ANO3: variants seen among roughly 807,000 people sequenced by gnomAD.
ANO3 encodes the protein anoctamin 3.
A neutral mutation model predicts 144.8 loss-of-function variants in ANO3; 99 were observed. The observed-to-expected ratio is 0.68, with a 90% CI of 0.58 to 0.81. The LOEUF (loss-of-function observed/expected upper bound fraction) is 0.81. Among genes scored for constraint, ANO3 ranks in the 30% least tolerant of loss-of-function variants. The pLI is 0.00. For missense variants in ANO3, 905 were observed against 1,202.2 expected, an observed-to-expected ratio of 0.75 and a Z score of 3.66; for synonymous variants, 414 against 392.6, an observed-to-expected ratio of 1.05 and a Z score of -0.64.
At chr11:26,350,547 T>A (rs1207836660) in intron 1 of ANO3, among the ~76,000 whole-genome samples, 1 of 152,184 alleles carries the variant, frequency 6.6e-6, no homozygotes, top group Non-Finnish European at 1.5e-5. Context: ...CTTTAATCTA[T>A]TTAATCTATT....
chr11:26,189,219 G>T, exon 1 of ANO3: 3 of 985,270 alleles, frequency 3.0e-6, no homozygotes, highest in Non-Finnish European at 3.6e-6. Context: ...TTCTCCTGAA[G>T]GCTTCAGACA....
chr11:26,505,891 G>A (rs1038766544), intron 4 of ANO3, among the ~76,000 whole-genome samples: 9 of 151,532 alleles, frequency 5.9e-5, no homozygotes, highest in African/African-American at 1.9e-4. Flanking sequence ...TGGAGGCTGA[G>A]TTGAGGCAGG....
intron 21 of ANO3, among the ~76,000 whole-genome samples, chr11:26,639,512 A>G (rs143473979): frequency 1.3e-3 from 192 of 152,334 alleles, no homozygotes; most frequent in African/African-American, 4.4e-3. Context: ...TAATGCATTA[A>G]GACACTTGTT....
At chr11:26,407,070 G>GTATATATATATATA (rs202060948) in intron 1 of ANO3, among the ~76,000 whole-genome samples, 285 of 101,286 alleles carry the variant, frequency 2.8e-3, no homozygotes, top group Non-Finnish European at 3.8e-3. Context: ...GTGTGTGTGT[G>GTATATATATATATA]TGTGTGTATA....
intron 1 of ANO3, among the ~76,000 whole-genome samples, chr11:26,231,064 A>T (rs1167207704): frequency 6.6e-6 from 1 of 151,758 alleles, no homozygotes; most frequent in Non-Finnish European, 1.5e-5. Context: ...TTTTTAGTAG[A>T]CACGGGGTTT....
intron 1 of ANO3, among the ~76,000 whole-genome samples, chr11:26,315,754 G>A (rs1854612818): frequency 6.6e-6 from 1 of 151,330 alleles, no homozygotes; most frequent in African/African-American, 2.4e-5. Flanking sequence ...TCTCACTTTA[G>A]AATATTGGAG....
intron 1 of ANO3, among the ~76,000 whole-genome samples, chr11:26,343,140 A>G (rs947150844): frequency 1.1e-4 from 16 of 152,200 alleles, no homozygotes; most frequent in East Asian, 1.9e-4. Flanking sequence ...ATGCCCCCCA[A>G]TCCTACCCTT....
At chr11:26,507,366 G>A (rs1476933271) in intron 4 of ANO3, among the ~76,000 whole-genome samples, 1 of 152,176 alleles carries the variant, frequency 6.6e-6, no homozygotes, top group Non-Finnish European at 1.5e-5. Flanking sequence ...ATTGGGCAGA[G>A]ACCATTAAAA....
chr11:26,521,245 A>T (rs1343955916), intron 6 of ANO3, among the ~76,000 whole-genome samples: 1 of 152,156 alleles, frequency 6.6e-6, no homozygotes, highest in African/African-American at 2.4e-5. Context: ...TAAAATAATA[A>T]CCTAAATAGG....
chr11:26,457,065 G>A (rs1481138664), intron 3 of ANO3, among the ~76,000 whole-genome samples: 3 of 134,922 alleles, frequency 2.2e-5, no homozygotes, highest in Non-Finnish European at 4.7e-5. Context: ...TCACACTCTG[G>A]GGACTGTTGT....
intron 1 of ANO3, among the ~76,000 whole-genome samples, chr11:26,419,883 G>C (rs1277577753): frequency 6.6e-6 from 1 of 152,010 alleles, no homozygotes; most frequent in Admixed American, 6.6e-5. Context: ...AAAGCAAAAA[G>C]GTTAGGATGT....
intron 4 of ANO3, among the ~76,000 whole-genome samples, chr11:26,489,944 T>C (rs987570173): frequency 6.6e-6 from 1 of 152,194 alleles, no homozygotes; most frequent in Non-Finnish European, 1.5e-5. Flanking sequence ...TTTTGGTTAA[T>C]GCTGAAATGA....
chr11:26,317,661 G>T (rs1480876980), intron 1 of ANO3, among the ~76,000 whole-genome samples: 1 of 152,156 alleles, frequency 6.6e-6, no homozygotes, highest in Non-Finnish European at 1.5e-5. Flanking sequence ...CTGTTGGTAG[G>T]GGTGTAAATT....
intron 1 of ANO3, among the ~76,000 whole-genome samples, chr11:26,213,695 A>G (rs1434588598): frequency 1.3e-5 from 2 of 152,114 alleles, no homozygotes; most frequent in African/African-American, 4.8e-5. Context: ...GAAAATGGCC[A>G]TAGTGCCCAA....
At chr11:26,405,336 C>T (rs535803557) in intron 1 of ANO3, among the ~76,000 whole-genome samples, 1 of 151,938 alleles carries the variant, frequency 6.6e-6, no homozygotes, top group East Asian at 1.9e-4. Flanking sequence ...TTCTTCATCT[C>T]ACAAATTTCA....
At chr11:26,308,805 T>C (rs1854441685), upstream of ANO3, among the ~76,000 whole-genome samples, 1 of 152,188 alleles carries the variant, frequency 6.6e-6, no homozygotes, top group Non-Finnish European at 1.5e-5. Flanking sequence ...AGTTGTTGAT[T>C]GCTACCACTT....
chr11:26,339,230 C>G (rs1256944603), intron 1 of ANO3, among the ~76,000 whole-genome samples: 1 of 151,864 alleles, frequency 6.6e-6, no homozygotes, highest in Non-Finnish European at 1.5e-5. Flanking sequence ...TCTCGGCTCA[C>G]TGAAACCTCT....
chr11:26,368,007 T>G (rs1856141439), intron 1 of ANO3, among the ~76,000 whole-genome samples: 1 of 152,210 alleles, frequency 6.6e-6, no homozygotes, highest in African/African-American at 2.4e-5. Flanking sequence ...TCCCACCTCC[T>G]GTACTGGGGA....
chr11:26,335,310 T>C (rs2133892741), intron 1 of ANO3, among the ~76,000 whole-genome samples: 1 of 152,332 alleles, frequency 6.6e-6, no homozygotes, highest in African/African-American at 2.4e-5. Context: ...GTGATTTTCC[T>C]TACTAAAATT....
Sources: gnomAD v4.1 joint callset for allele counts (sites outside exome capture counted in the v4.1 genomes callset) on GRCh38, gnomAD v4.1.1 for gene constraint, MANE v1.5 for transcripts, NCBI Gene and HGNC (gene_info 2026-07-23, HGNC 2026-07-21) for gene names.